The following NRG3 variants were observed in gnomAD, a reference collection of about 807,000 sequenced individuals.
The protein encoded by NRG3 is neuregulin 3.
Under a neutral mutation model 66.9 loss-of-function variants are expected in NRG3, and 31 were observed. That is an observed-to-expected ratio of 0.46 (90% CI 0.35 to 0.63). NRG3 has a LOEUF of 0.63. Among genes scored for constraint, NRG3 ranks in the 20% least tolerant of loss-of-function variants. The pLI, the probability that NRG3 is intolerant of heterozygous loss-of-function variation, is 0.00. For missense variants in NRG3, 910 were observed against 878.9 expected (o/e 1.04, Z -0.45); for synonymous variants, 393 against 359.4 (o/e 1.09, Z -1.06).
At chr10:82,157,556 C>G in intron 1 of NRG3, among the ~76,000 whole-genome samples, 1 of 151,588 alleles carries the variant, frequency 6.6e-6, no homozygotes, top group East Asian at 1.9e-4. Context: ...ATCCTGAAAT[C>G]ATTTAAAATA....
At chr10:82,941,106 G>T (rs577706529) in intron 4 of NRG3, among the ~76,000 whole-genome samples, 8 of 152,072 alleles carry the variant, frequency 5.3e-5, no homozygotes, top group Non-Finnish European at 1.0e-4. Context: ...TCTGCACTTG[G>T]ATGGTGGGAC....
intron 4 of NRG3, among the ~76,000 whole-genome samples, chr10:82,893,977 A>G (rs1276667889): frequency 6.6e-6 from 1 of 152,228 alleles, no homozygotes; most frequent in Non-Finnish European, 1.5e-5. Context: ...ATGTTACCCT[A>G]TAACAAAACA....
rs1216370656 is a variant in NRG3, at chr10:82,917,966, G to GTATATATATATA, written c.1055-33502_1055-33501insATATATATATAT. On this transcript the variant is annotated intron_variant, in intron 4 of 8. Coordinates refer to ENST00000372141, the MANE Select transcript of NRG3 (RefSeq NM_001010848.4). ...TATGTGGGATTGTGTGTGTGTGTGT[G>GTATATATATATA]TGTGTATATATATATATATATATAT... Among the ~76,000 whole-genome samples, 696 of 89,752 alleles carry GTATATATATATA rather than the reference G, an allele frequency of 7.8e-3. 2 individuals carry two copies. The highest frequency in any genetic ancestry group is 0.012 in the South Asian group (27 of 2,314). The allele number at this position is 89,752 out of a possible 152,430, so 58.9% of individuals were successfully genotyped here. A position where few individuals can be genotyped will look rare whatever the true frequency, so the allele number is the denominator to read the frequency against.
At chr10:82,394,895 G>A (rs1259028745) in intron 2 of NRG3, among the ~76,000 whole-genome samples, 1 of 152,090 alleles carries the variant, frequency 6.6e-6, no homozygotes, top group Non-Finnish European at 1.5e-5. Context: ...GTGCTGCTGT[G>A]GAATGAATTA....
chr10:82,560,290 T>A (rs2044950314), intron 2 of NRG3, among the ~76,000 whole-genome samples: 1 of 151,670 alleles, frequency 6.6e-6, no homozygotes. Flanking sequence ...GTGACTGACA[T>A]TTTTATTATT....
chr10:82,219,164 A>AG (rs2075823229), intron 1 of NRG3, among the ~76,000 whole-genome samples: 6 of 151,056 alleles, frequency 4.0e-5, no homozygotes, highest in Admixed American at 3.3e-4. Flanking sequence ...TATATATGTC[A>AG]ATCTAAAAAG....
At chr10:82,338,597 ATGACT>A (rs2135363677) in intron 1 of NRG3, among the ~76,000 whole-genome samples, 1 of 152,328 alleles carries the variant, frequency 6.6e-6, no homozygotes, top group Admixed American at 6.5e-5. Flanking sequence ...TGTTAAATAA[ATGACT>A]TTAATTGGCA....
At chr10:82,978,811 T>C in intron 7 of NRG3, 139 bp from the exon 8 acceptor site, 2 of 778,934 alleles carry the variant, frequency 2.6e-6, no homozygotes, top group East Asian at 5.4e-5. Flanking sequence ...TATACTTCAT[T>C]CAGGGATGGC....
At chr10:82,503,419 A>G (rs1420121393) in intron 2 of NRG3, among the ~76,000 whole-genome samples, 1 of 152,186 alleles carries the variant, frequency 6.6e-6, no homozygotes, top group Non-Finnish European at 1.5e-5. Flanking sequence ...CACTGATTTC[A>G]AGAAGATGTA....
At chr10:81,976,024 C>T (rs1050655900) in intron 1 of NRG3, among the ~76,000 whole-genome samples, 1 of 152,150 alleles carries the variant, frequency 6.6e-6, no homozygotes, top group African/African-American at 2.4e-5. Context: ...GAATTTAACT[C>T]TGTTACAACC....
chr10:82,178,557 T>G (rs2073200287), intron 1 of NRG3, among the ~76,000 whole-genome samples: 1 of 152,170 alleles, frequency 6.6e-6, no homozygotes, highest in Non-Finnish European at 1.5e-5. Context: ...TGACAGAATT[T>G]TCTTCTTTTT....
At chr10:82,505,999 G>C (rs764755390) in intron 2 of NRG3, among the ~76,000 whole-genome samples, 1 of 152,238 alleles carries the variant, frequency 6.6e-6, no homozygotes, top group Non-Finnish European at 1.5e-5. Flanking sequence ...TGTAATCCCA[G>C]CACTTTGGGA....
chr10:82,508,277 G>A (rs772196213), intron 2 of NRG3, among the ~76,000 whole-genome samples: 1 of 152,172 alleles, frequency 6.6e-6, no homozygotes, highest in Non-Finnish European at 1.5e-5. Flanking sequence ...TGTTTATGGG[G>A]AGTTAGAGTA....
At chr10:82,757,001 G>A (rs1176148045) in intron 3 of NRG3, among the ~76,000 whole-genome samples, 1 of 151,944 alleles carries the variant, frequency 6.6e-6, no homozygotes, top group Non-Finnish European at 1.5e-5. Context: ...TTTAATAACA[G>A]TCCAAACTAT....
intron 3 of NRG3, among the ~76,000 whole-genome samples, chr10:82,841,702 A>T (rs2063063645): frequency 6.6e-6 from 1 of 152,340 alleles, no homozygotes; most frequent in African/African-American, 2.4e-5. Flanking sequence ...CTTAAAGTCA[A>T]CCAATTGTAG....
intron 2 of NRG3, among the ~76,000 whole-genome samples, chr10:82,693,578 T>A (rs545221472): frequency 1.3e-5 from 2 of 152,248 alleles, no homozygotes; most frequent in Admixed American, 1.3e-4. Context: ...ATAATAATAA[T>A]TCCTCTATTA....
intron 3 of NRG3, among the ~76,000 whole-genome samples, chr10:82,827,607 A>G (rs1461436900): frequency 6.6e-6 from 1 of 152,242 alleles, no homozygotes; most frequent in Admixed American, 6.5e-5. Context: ...CGTGTCTGTA[A>G]TAATTCTGCT....
intron 2 of NRG3, among the ~76,000 whole-genome samples, chr10:82,434,380 C>A (rs1258433809): frequency 6.6e-6 from 1 of 152,086 alleles, no homozygotes; most frequent in Non-Finnish European, 1.5e-5. Context: ...AATACAAAAT[C>A]ATGTTGTCCG....
intron 6 of NRG3, among the ~76,000 whole-genome samples, chr10:82,964,263 T>G (rs973457586): frequency 6.6e-6 from 1 of 152,178 alleles, no homozygotes; most frequent in African/African-American, 2.4e-5. Flanking sequence ...CTCACAAATG[T>G]GGGCTCTCAT....
Sources: allele counts gnomAD v4.1 joint callset (sites outside exome capture counted in the v4.1 genomes callset), GRCh38; gene constraint gnomAD v4.1.1; transcripts MANE v1.5; gene names NCBI Gene and HGNC (gene_info 2026-07-23, HGNC 2026-07-21).